Variants in FGF12 observed in about 807,000 individuals in gnomAD.
FGF12 encodes fibroblast growth factor 12, also known as fibroblast growth factor 12B.
In FGF12, 14 loss-of-function variants were observed where a neutral mutation model predicts 23.6. That is an observed-to-expected ratio of 0.59 (90% confidence interval 0.39 to 0.93). The LOEUF is 0.93. Among genes scored for constraint, FGF12 ranks in the 40% least tolerant of loss-of-function variants. The probability of loss-of-function intolerance (pLI) is 0.00; values close to 1 mark genes in which losing one functional copy is unlikely to be tolerated. For synonymous variants in FGF12, 62 were observed against 77.3 expected, an observed-to-expected ratio of 0.80 and a Z score of 1.04; for missense variants, 175 against 217.8, an observed-to-expected ratio of 0.80 and a Z score of 1.24.
Position 192,142,256 on chromosome 3 carries a change from C to T in FGF12, c.*1753G>A, listed in dbSNP as rs1327626328. The T allele has an allele frequency of 6.6e-6, 1 of 152,412 alleles. No individual in the cohort carries two copies. The highest frequency in any genetic ancestry group is 1.5e-5 in the Non-Finnish European group (1 of 67,936). The allele number at this position is 152,412 out of a possible 1,614,324, so 9.4% of individuals were successfully genotyped here. ...TAGGATACCTGGTGAAGGATATGGT[C>T]CACTATTGAAGAATAATGATTGTGT... On this transcript the variant is annotated 3_prime_UTR_variant, in exon 6 of 6. Transcript: ENST00000445105.
chr3:192,215,068 G>A (rs568548564), intron 4 of FGF12, among the ~76,000 whole-genome samples: 1 of 152,314 alleles, frequency 6.6e-6, no homozygotes, highest in East Asian at 1.9e-4. Flanking sequence ...GCCTAAATCA[G>A]AGGATGCTTA....
chr3:192,399,696 C>T (rs1041306187), intron 2 of FGF12, among the ~76,000 whole-genome samples: 3 of 152,160 alleles, frequency 2.0e-5, no homozygotes, highest in East Asian at 1.9e-4. Flanking sequence ...GGCATTAGTA[C>T]GTTTAAAAAC....
intron 4 of FGF12, among the ~76,000 whole-genome samples, chr3:192,253,015 T>G (rs1380499538): frequency 6.6e-6 from 1 of 152,124 alleles, no homozygotes; most frequent in African/African-American, 2.4e-5. Context: ...GAAAATGGAT[T>G]TATGAATTGA....
At chr3:192,367,030 A>G (rs1719016336) in intron 2 of FGF12, among the ~76,000 whole-genome samples, 3 of 152,220 alleles carry the variant, frequency 2.0e-5, no homozygotes, top group Non-Finnish European at 4.4e-5. Context: ...AAGCAGAAAA[A>G]CTACAGGTCA....
chr3:192,203,225 A>G (rs1028341445), intron 4 of FGF12, among the ~76,000 whole-genome samples: 3 of 151,734 alleles, frequency 2.0e-5, no homozygotes, highest in Non-Finnish European at 4.4e-5. Flanking sequence ...CTAATTTGGT[A>G]TTTTCTTTCC....
At chr3:192,621,690 C>CAAAAAAAAAAAAAAAAAAA (rs5855441) in intron 2 of FGF12, among the ~76,000 whole-genome samples, 1 of 94,370 alleles carries the variant, frequency 1.1e-5, no homozygotes, top group African/African-American at 4.0e-5. Flanking sequence ...GATACAAATA[C>CAAAAAAAAAAAAAAAAAAA]AAAAAAAAAA....
intron 2 of FGF12, among the ~76,000 whole-genome samples, chr3:192,546,365 T>C (rs373868645): frequency 3.9e-5 from 6 of 152,202 alleles, no homozygotes; most frequent in African/African-American, 1.4e-4. Context: ...ATCCCAGCTT[T>C]TTAAGATCAT....
chr3:192,560,746 TAAAG>T (rs1358061050), intron 2 of FGF12, among the ~76,000 whole-genome samples: 3 of 152,058 alleles, frequency 2.0e-5, no homozygotes, highest in Non-Finnish European at 4.4e-5. Context: ...TATTAAATAT[TAAAG>T]AAAGAAGAAT....
chr3:192,461,212 G>T (rs1040688237), intron 2 of FGF12, among the ~76,000 whole-genome samples: 3 of 152,096 alleles, frequency 2.0e-5, no homozygotes. Flanking sequence ...GAATTACACT[G>T]GGAGGAACAT....
chr3:192,655,603 G>A (rs1007849226), intron 2 of FGF12, among the ~76,000 whole-genome samples: 9 of 152,088 alleles, frequency 5.9e-5, no homozygotes, highest in Non-Finnish European at 8.8e-5. Flanking sequence ...GTTACTAGTT[G>A]ACCCATTTAA....
At chr3:192,203,498 G>A (rs761959916) in intron 4 of FGF12, among the ~76,000 whole-genome samples, 3 of 151,640 alleles carry the variant, frequency 2.0e-5, no homozygotes, top group African/African-American at 7.3e-5. Flanking sequence ...GATACATGTT[G>A]CATTTGAAGT....
rs776523615 is a variant in FGF12 at position 192,720,682 on chromosome 3, C to G, written c.13+6499G>C. The stretch of plus-strand genomic sequence containing the variant: ...ATGAAATCTCTCTTCTACACACACT[C>G]TCTTAACACTAAAGAGGGTGGTAAT... On this transcript the variant is annotated intron_variant, in intron 2 of 5. Coordinates refer to ENST00000445105, the MANE Select transcript of FGF12 (RefSeq NM_004113.6). 3.3e-5 allele frequency among the ~76,000 whole-genome samples: 5 copies of G among 152,168 alleles called. No homozygotes were observed. In the East Asian group the frequency reaches 9.6e-4, roughly 29 times the overall value.
chr3:192,294,238 G>A (rs759200026), intron 4 of FGF12, among the ~76,000 whole-genome samples: 24 of 151,934 alleles, frequency 1.6e-4, no homozygotes, highest in Non-Finnish European at 2.6e-4. Flanking sequence ...TCCCAGACTC[G>A]GGTATGTCTT....
In FGF12 at chr3:192,512,835, A is replaced by AATAT. The variant is rs773570110; in HGVS notation, c.14-152301_14-152298dup. Among the ~76,000 whole-genome samples, 156 of 76,768 alleles carry AATAT rather than the reference A, an allele frequency of 2.0e-3. 5 individuals carry two copies. Among genetic ancestry groups the AATAT allele is most frequent in the Admixed American group, 3.0e-3 (21 of 6,958 alleles). 50.4% of individuals were successfully genotyped at this position (76,768 alleles called of 152,430 possible). On this transcript the variant is annotated intron_variant, in intron 2 of 5. Coordinates refer to ENST00000445105, the MANE Select transcript of FGF12 (RefSeq NM_004113.6). ...GTTAAACCTAGAGTATACTCAAATA[A>AATAT]ATATATATATATATATATATATATA...
intron 4 of FGF12, among the ~76,000 whole-genome samples, chr3:192,291,720 T>C (rs1449526841): frequency 6.6e-6 from 1 of 152,070 alleles, no homozygotes; most frequent in Non-Finnish European, 1.5e-5. Context: ...AGAATAAATG[T>C]GAGAAACCTA....
At chr3:192,621,348 T>C (rs1714968344) in intron 2 of FGF12, among the ~76,000 whole-genome samples, 1 of 152,224 alleles carries the variant, frequency 6.6e-6, no homozygotes, top group South Asian at 2.1e-4. Flanking sequence ...AAATTAATTG[T>C]CACCTTTTGT....
intron 2 of FGF12, among the ~76,000 whole-genome samples, chr3:192,560,483 A>G (rs1711973607): frequency 6.6e-6 from 1 of 152,070 alleles, no homozygotes; most frequent in African/African-American, 2.4e-5. Flanking sequence ...AAGAAAAAAC[A>G]GTAATTACCA....
At chr3:192,489,897 G>A (rs2108825288) in intron 2 of FGF12, among the ~76,000 whole-genome samples, 1 of 152,044 alleles carries the variant, frequency 6.6e-6, no homozygotes, top group Admixed American at 6.6e-5. Flanking sequence ...TAATACCTGG[G>A]CGATGAAATA....
At chr3:192,267,724 A>G (rs1196607513) in intron 4 of FGF12, among the ~76,000 whole-genome samples, 1 of 152,202 alleles carries the variant, frequency 6.6e-6, no homozygotes, top group African/African-American at 2.4e-5. Flanking sequence ...TCATATGCAC[A>G]TACATCAATT....
Sources: gnomAD v4.1 joint callset for allele counts (sites outside exome capture counted in the v4.1 genomes callset) on GRCh38, gnomAD v4.1.1 for gene constraint, MANE v1.5 for transcripts, NCBI Gene and HGNC (gene_info 2026-07-23, HGNC 2026-07-21) for gene names.